NMT2: variants seen among roughly 807,000 people sequenced by gnomAD.
The protein encoded by NMT2 is glycylpeptide N-tetradecanoyltransferase 2.
Under a neutral mutation model 65.4 loss-of-function variants are expected in NMT2, and 35 were observed. The observed-to-expected ratio is 0.54, with a 90% CI of 0.41 to 0.71. NMT2 has a LOEUF of 0.71. NMT2 is among the 30% of genes least tolerant of loss of function. The pLI is 0.00. For missense variants in NMT2, 489 were observed against 611.3 expected (o/e 0.80, Z 2.11); for synonymous variants, 226 against 231.8 (o/e 0.98, Z 0.23).
chr10:15,146,984 C>G (rs982487482), intron 1 of NMT2, among the ~76,000 whole-genome samples: 1 of 151,186 alleles, frequency 6.6e-6, no homozygotes, highest in African/African-American at 2.4e-5. Context: ...TCCCAGCTAC[C>G]TGGGAGGCTG....
chr10:15,127,533 T>A (rs370145665), intron 8 of NMT2, among the ~76,000 whole-genome samples: 3 of 102,124 alleles, frequency 2.9e-5, no homozygotes, highest in Non-Finnish European at 3.7e-5. Flanking sequence ...GGCGACAGAG[T>A]GAGACTCCGT....
At chr10:15,152,474 G>A (rs190441052) in intron 1 of NMT2, among the ~76,000 whole-genome samples, 53 of 152,326 alleles carry the variant, frequency 3.5e-4, no homozygotes, top group South Asian at 6.2e-4. Flanking sequence ...TTGCCAAAAC[G>A]TATCTTTTCC....
At chr10:15,129,228 T>C (rs1333915672) in intron 7 of NMT2, among the ~76,000 whole-genome samples, 2 of 152,222 alleles carry the variant, frequency 1.3e-5, no homozygotes, top group Non-Finnish European at 2.9e-5. Context: ...GTGATTTATA[T>C]TAAAATATAC....
intron 1 of NMT2, among the ~76,000 whole-genome samples, chr10:15,167,943 C>G (rs1588471017): frequency 1.3e-5 from 2 of 152,184 alleles, no homozygotes. Context: ...GGGACCCCCT[C>G]GGCGCCAGAA....
In NMT2 at chr10:15,139,888, T is replaced by C. The variant is rs1238385103; in HGVS notation, c.246+1534A>G. 158 of 127,376 alleles carry C rather than the reference T, an allele frequency of 1.2e-3. 5 individuals are homozygous for C. The highest frequency in any genetic ancestry group is 4.2e-3 in the African/African-American group (138 of 33,124). The allele number at this position is 127,376 out of a possible 1,614,324, so 7.9% of individuals were successfully genotyped here. ...CTATATATATATATATATATATATA[T>C]ATATATATATATATATATATATGCA... On this transcript the variant is annotated intron_variant, in intron 2 of 11. Coordinates refer to ENST00000378165, the MANE Select transcript of NMT2 (RefSeq NM_004808.3).
rs1406789718 is a variant in NMT2, at chr10:15,106,316, C to T, written c.*2879G>A. On this transcript the variant is annotated 3_prime_UTR_variant, in exon 12 of 12. Transcript: ENST00000378165. ...GGCTGATTCTGCAATTATTTGAAAA[C>T]CTACTTTGTATAGACTTTGTGGCAT... is the stretch of plus-strand genomic sequence containing the variant. The T allele has an allele frequency of 1.3e-5, 2 of 156,274 alleles. No individual in the cohort carries two copies. Among genetic ancestry groups the T allele is most frequent in the South Asian group, 1.6e-4 (1 of 6,086 alleles). The allele number at this position is 156,274 out of a possible 1,614,324, so 9.7% of individuals were successfully genotyped here.
chr10:15,144,748 A>T (rs993747455), intron 1 of NMT2, among the ~76,000 whole-genome samples: 3 of 151,874 alleles, frequency 2.0e-5, no homozygotes, highest in African/African-American at 7.3e-5. Context: ...AAAAAGAAAG[A>T]GCCAGTGCTG....
chr10:15,157,013 C>A (rs1158949307), intron 1 of NMT2, among the ~76,000 whole-genome samples: 1 of 152,066 alleles, frequency 6.6e-6, no homozygotes, highest in Non-Finnish European at 1.5e-5. Flanking sequence ...TTAATAAATA[C>A]CCCTAAAGTA....
At chr10:15,152,447 G>T (rs1408001132) in intron 1 of NMT2, among the ~76,000 whole-genome samples, 1 of 152,238 alleles carries the variant, frequency 6.6e-6, no homozygotes, top group African/African-American at 2.4e-5. Flanking sequence ...GGGACAAGCA[G>T]GACTGGGGTC....
At chr10:15,132,113 C>T (rs1036548913) in intron 6 of NMT2, among the ~76,000 whole-genome samples, 2 of 152,120 alleles carry the variant, frequency 1.3e-5, no homozygotes, top group African/African-American at 4.8e-5. Context: ...GATCTGCCAG[C>T]CTCGGCCCCG....
At chr10:15,155,599 T>C (rs919980782) in intron 1 of NMT2, among the ~76,000 whole-genome samples, 1 of 139,342 alleles carries the variant, frequency 7.2e-6, no homozygotes, top group South Asian at 2.6e-4. Flanking sequence ...CCCAGACTGA[T>C]CTCGAACTCC....
At chr10:15,166,139 A>G (rs961929629) in intron 1 of NMT2, among the ~76,000 whole-genome samples, 2 of 152,136 alleles carry the variant, frequency 1.3e-5, no homozygotes, top group African/African-American at 2.4e-5. Context: ...CTAATTGGGT[A>G]TTTTCCTTTT....
At chr10:15,156,497 T>A (rs1411425578) in intron 1 of NMT2, among the ~76,000 whole-genome samples, 2 of 152,196 alleles carry the variant, frequency 1.3e-5, no homozygotes, top group African/African-American at 4.8e-5. Flanking sequence ...GGGCGGAGGC[T>A]ACCATATTTG....
At chr10:15,164,659 A>G (rs1467779089) in intron 1 of NMT2, among the ~76,000 whole-genome samples, 1 of 152,222 alleles carries the variant, frequency 6.6e-6, no homozygotes, top group Non-Finnish European at 1.5e-5. Context: ...AAAGTAACAG[A>G]AGGCAAAAAC....
intron 2 of NMT2, among the ~76,000 whole-genome samples, chr10:15,138,969 C>T (rs1846622742): frequency 6.6e-6 from 1 of 152,132 alleles, no homozygotes; most frequent in Admixed American, 6.5e-5. Context: ...ACGTTTGAGT[C>T]AGTGGGCTGG....
intron 1 of NMT2, among the ~76,000 whole-genome samples, chr10:15,166,612 T>C (rs1349609764): frequency 6.6e-6 from 1 of 152,122 alleles, no homozygotes; most frequent in Non-Finnish European, 1.5e-5. Flanking sequence ...TTAAATAGAG[T>C]ACAATACATC....
At chr10:15,161,990 C>T (rs945834431) in intron 1 of NMT2, among the ~76,000 whole-genome samples, 8 of 152,094 alleles carry the variant, frequency 5.3e-5, no homozygotes, top group African/African-American at 9.7e-5. Flanking sequence ...CGGTGGCTCA[C>T]GCCTGTAGTC....
At chr10:15,160,304 G>A (rs1198585000) in intron 1 of NMT2, among the ~76,000 whole-genome samples, 4 of 152,104 alleles carry the variant, frequency 2.6e-5, no homozygotes, top group Non-Finnish European at 4.4e-5. Flanking sequence ...GAAGATAACC[G>A]TGTTCCACCC....
In NMT2 at chr10:15,106,726, T is replaced by C. The variant is rs1845315780; in HGVS notation, c.*2469A>G. The C allele has an allele frequency of 1.1e-6, 1 of 876,580 alleles. No homozygotes were observed. 54.3% of individuals were successfully genotyped at this position (876,580 alleles called of 1,614,324 possible). ...GTAAAAGACCAGAGAGTGAATATCT[T>C]AGGCTTTGCAGGCCACACAATCTGT... On this transcript the variant is annotated 3_prime_UTR_variant, in exon 12 of 12. Transcript: ENST00000378165.
Sources: gnomAD v4.1 joint callset for allele counts (sites outside exome capture counted in the v4.1 genomes callset) on GRCh38, gnomAD v4.1.1 for gene constraint, MANE v1.5 for transcripts, NCBI Gene and HGNC (gene_info 2026-07-23, HGNC 2026-07-21) for gene names.